SNTG1: variants seen among roughly 807,000 people sequenced by gnomAD.
SNTG1 encodes the protein gamma-1-syntrophin.
SNTG1 carries 39 observed loss-of-function variants against 74.7 expected under a neutral mutation model. That is an observed-to-expected ratio of 0.52 (90% CI 0.40 to 0.68). The LOEUF is 0.68. Ranked by LOEUF, SNTG1 falls within the 30% of genes least tolerant of loss-of-function variation. SNTG1 has a pLI of 0.00. For synonymous variants in SNTG1, 254 were observed against 217.1 expected (o/e 1.17, Z -1.49); for missense variants, 685 against 609.5 (o/e 1.12, Z -1.30).
chr8:50,520,461 A>G (rs1369422715), intron 9 of SNTG1, among the ~76,000 whole-genome samples: 1 of 152,204 alleles, frequency 6.6e-6, no homozygotes, highest in Non-Finnish European at 1.5e-5. Context: ...TAAACTAAAG[A>G]GCTTCTGCAC....
intron 1 of SNTG1, among the ~76,000 whole-genome samples, chr8:50,124,540 A>G (rs868174902): frequency 7.0e-6 from 1 of 142,784 alleles, no homozygotes; most frequent in African/African-American, 2.5e-5. Flanking sequence ...TTGCATATTA[A>G]TAAAGCTGAC....
chr8:50,149,698 T>C (rs1258023621), intron 1 of SNTG1, among the ~76,000 whole-genome samples: 4 of 152,264 alleles, frequency 2.6e-5, no homozygotes, highest in African/African-American at 9.6e-5. Flanking sequence ...GATCAGATGG[T>C]TGTAGATGTG....
At position 50,398,851 on chromosome 8, in the gene SNTG1, A is replaced by G. The variant is rs370172132; in HGVS notation, c.28-3359A>G. On this transcript the variant is annotated intron_variant, in intron 3 of 18. Transcript: ENST00000642720. ...GAGGTGAGGCAGGAGAATCGCTCGA[A>G]CCCAGGAGGCAGAGATTGTAGTGAG... Among the ~76,000 whole-genome samples the G allele has an allele frequency of 1.0e-3, 156 of 152,244 alleles. 1 individual carries two copies. Among genetic ancestry groups the G allele is most frequent in the African/African-American group, 3.3e-3 (138 of 41,554 alleles).
At position 50,449,731 on chromosome 8, in the gene SNTG1, A is replaced by G; in HGVS notation, c.277+6A>G. The stretch of plus-strand genomic sequence containing the variant: ...AATCTCCAAGGAACAAAGAGGTAAT[A>G]TGTTTAGAGAATTGTGTACCAGCCA... On this transcript the variant is annotated splice_donor_region_variant and intron_variant, in intron 6 of 18. Coordinates refer to ENST00000642720, the MANE Select transcript of SNTG1 (RefSeq NM_018967.5). 6.3e-7 allele frequency: 1 copy of G among 1,580,168 alleles called. No individual in the cohort carries two copies. Among genetic ancestry groups the G allele is most frequent in the Non-Finnish European group, 8.6e-7 (1 of 1,160,836 alleles).
At chr8:50,334,871 A>AT (rs1229724546) in intron 2 of SNTG1, among the ~76,000 whole-genome samples, 4 of 152,180 alleles carry the variant, frequency 2.6e-5, no homozygotes, top group African/African-American at 4.8e-5. Flanking sequence ...TGCTCACTCA[A>AT]TGCACCTCTT....
intron 2 of SNTG1, among the ~76,000 whole-genome samples, chr8:50,261,285 A>C (rs2087180252): frequency 6.6e-6 from 1 of 152,206 alleles, no homozygotes; most frequent in Admixed American, 6.5e-5. Flanking sequence ...ATTCTCATCG[A>C]TTTAGAATTC....
chr8:50,183,762 G>A (rs935082466), intron 2 of SNTG1, among the ~76,000 whole-genome samples: 1 of 151,956 alleles, frequency 6.6e-6, no homozygotes, highest in Non-Finnish European at 1.5e-5. Context: ...CCAAACCTCA[G>A]CCCAGTCATG....
At chr8:50,601,066 G>A (rs1457269259) in intron 13 of SNTG1, among the ~76,000 whole-genome samples, 1 of 148,434 alleles carries the variant, frequency 6.7e-6, no homozygotes, top group East Asian at 2.0e-4. Flanking sequence ...AGCTGCTTGG[G>A]AGAATCGCTT....
intron 2 of SNTG1, among the ~76,000 whole-genome samples, chr8:50,352,368 C>T (rs1309988952): frequency 6.6e-6 from 1 of 151,792 alleles, no homozygotes; most frequent in Non-Finnish European, 1.5e-5. Context: ...ATCTGACATC[C>T]TCCTTATGGT....
At chr8:50,112,793 G>A (rs1297550633) in intron 1 of SNTG1, among the ~76,000 whole-genome samples, 1 of 152,136 alleles carries the variant, frequency 6.6e-6, no homozygotes, top group East Asian at 1.9e-4. Flanking sequence ...ACAGGCATGA[G>A]CCACTGCATC....
chr8:50,287,734 T>C (rs747528562), intron 2 of SNTG1, among the ~76,000 whole-genome samples: 2 of 152,174 alleles, frequency 1.3e-5, no homozygotes, highest in Non-Finnish European at 2.9e-5. Context: ...TACTCCTGAG[T>C]AGGCTCTCTA....
chr8:50,052,665 C>A (rs750140151), intron 1 of SNTG1, among the ~76,000 whole-genome samples: 1 of 152,072 alleles, frequency 6.6e-6, no homozygotes, highest in Non-Finnish European at 1.5e-5. Context: ...TTGTCAATTA[C>A]ATTTCTAATA....
At chr8:50,482,644 GAGAC>G (rs797009923) in intron 8 of SNTG1, among the ~76,000 whole-genome samples, 23 of 152,258 alleles carry the variant, frequency 1.5e-4, no homozygotes, top group African/African-American at 5.5e-4. Flanking sequence ...AGAGAGTAGA[GAGAC>G]AGAGCTTGAA....
intron 18 of SNTG1, among the ~76,000 whole-genome samples, chr8:50,784,783 T>C (rs1266163327): frequency 6.6e-6 from 1 of 152,178 alleles, no homozygotes; most frequent in Non-Finnish European, 1.5e-5. Context: ...CACTAATATC[T>C]AAGATCACTT....
At chr8:50,174,299 C>T (rs943236862) in intron 2 of SNTG1, among the ~76,000 whole-genome samples, 4 of 152,112 alleles carry the variant, frequency 2.6e-5, no homozygotes, top group South Asian at 2.1e-4. Context: ...AGTAGACATA[C>T]GTGGGCATGT....
intron 2 of SNTG1, among the ~76,000 whole-genome samples, chr8:50,226,809 C>G (rs1035326650): frequency 4.6e-5 from 7 of 152,260 alleles, no homozygotes; most frequent in African/African-American, 1.7e-4. Flanking sequence ...TCAGGCCCTC[C>G]TGAGTGTTGT....
chr8:50,748,973 A>T (rs865897203), intron 17 of SNTG1, among the ~76,000 whole-genome samples: 24 of 152,042 alleles, frequency 1.6e-4, no homozygotes, highest in African/African-American at 5.6e-4. Flanking sequence ...AAAGACTCAC[A>T]TGCCTCTCAC....
At chr8:50,043,560 C>T (rs1177808807) in intron 1 of SNTG1, among the ~76,000 whole-genome samples, 1 of 152,132 alleles carries the variant, frequency 6.6e-6, no homozygotes, top group Non-Finnish European at 1.5e-5. Context: ...ACTGTGAGTT[C>T]CTTCACACTC....
chr8:50,394,955 G>A (rs2092708575), intron 3 of SNTG1, among the ~76,000 whole-genome samples: 2 of 150,874 alleles, frequency 1.3e-5, no homozygotes, highest in African/African-American at 2.4e-5. Flanking sequence ...TTGTTTAAAA[G>A]GTTTAAAGCA....
Sources: gnomAD v4.1 joint callset for allele counts (sites outside exome capture counted in the v4.1 genomes callset) on GRCh38, gnomAD v4.1.1 for gene constraint, MANE v1.5 for transcripts, NCBI Gene and HGNC (gene_info 2026-07-23, HGNC 2026-07-21) for gene names.